Variants in ANKFN1 observed in about 807,000 individuals in gnomAD.
ANKFN1 encodes ankyrin repeat and fibronectin type III domain containing 1, also known as ankyrin repeat and fibronectin type-III domain-containing protein 1.
A neutral mutation model predicts 108.7 loss-of-function variants in ANKFN1; 74 were observed. That is an observed-to-expected ratio of 0.68 (90% CI 0.56 to 0.83). The LOEUF (loss-of-function observed/expected upper bound fraction) is 0.83, where lower values mean the gene tolerates loss of function less well. Ranked by LOEUF, ANKFN1 falls within the 40% of genes least tolerant of loss-of-function variation. The pLI, the probability that ANKFN1 is intolerant of heterozygous loss-of-function variation, is 0.00. For synonymous variants in ANKFN1, 547 were observed against 516.2 expected (o/e 1.06, Z -0.81); for missense variants, 1,505 against 1,382.3 (o/e 1.09, Z -1.41).
In ANKFN1 at chr17:56,466,481, G is replaced by T; in HGVS notation, c.1683G>T (p.Trp561Cys). ...TTTATTCATTTTTTAATGGCAAATG[G>T]ATGCAGATCTCAAAGCTGCAAAGCC... is the stretch of plus-strand genomic sequence containing the variant. The part of the protein sequence containing the change: ...EMLYSFFNGK[W>C]MQISKLQSQR... Residue 561 changes from tryptophan to cysteine, a missense_variant, in exon 15 of 21, where the codon TGG (tryptophan) becomes TGT (cysteine). Transcript: ENST00000682825. 1 of 1,614,114 alleles carries T rather than the reference G, an allele frequency of 6.2e-7. No individual in the cohort carries two copies. The highest frequency in any genetic ancestry group is 1.1e-5 in the South Asian group (1 of 91,064).
chr17:56,320,037 A>G (rs1237507374), intron 3 of ANKFN1, among the ~76,000 whole-genome samples: 2 of 152,188 alleles, frequency 1.3e-5, no homozygotes, highest in Non-Finnish European at 2.9e-5. Flanking sequence ...CTAAATGCAC[A>G]TAAACAAGCT....
At chr17:56,501,711 A>C (rs2051376563) in intron 20 of ANKFN1, among the ~76,000 whole-genome samples, 1 of 152,196 alleles carries the variant, frequency 6.6e-6, no homozygotes, top group African/African-American at 2.4e-5. Flanking sequence ...AAGAGGAGGT[A>C]GAATAAGAAG....
chr17:56,487,782 T>C (rs1231646584), intron 18 of ANKFN1, among the ~76,000 whole-genome samples: 1 of 152,200 alleles, frequency 6.6e-6, no homozygotes, highest in East Asian at 1.9e-4. Flanking sequence ...AATTCTTCCT[T>C]ACAGAGATAA....
chr17:56,079,917 A>G (rs969217157), intron 4 of ANKFN1, among the ~76,000 whole-genome samples: 3 of 152,212 alleles, frequency 2.0e-5, no homozygotes, highest in Non-Finnish European at 2.9e-5. Flanking sequence ...GGGCAGGGTA[A>G]TCTATTTATA....
chr17:56,510,867 CCAT>C lies in ANKFN1; in HGVS notation c.3044_3046del (p.His1015del). 6.5e-7 allele frequency: 1 copy of C among 1,536,110 alleles called. No homozygotes were observed. The highest frequency in any genetic ancestry group is 2.4e-5 in the East Asian group (1 of 40,902). On this transcript the variant is annotated inframe_deletion, in exon 21 of 21. Coordinates refer to ENST00000682825, the MANE Select transcript of ANKFN1 (RefSeq NM_001370326.1). ...ACCCCCACTATGGCGGCTTCAGCCGCCATCATCGCTGGTTGCGCATCCACAGCG... is the reference window on the plus strand; with the variant it reads ...ACCCCCACTATGGCGGCTTCAGCCGCCATCGCTGGTTGCGCATCCACAGCG...
At chr17:56,405,150 G>A (rs532814716) in intron 8 of ANKFN1, among the ~76,000 whole-genome samples, 5 of 152,232 alleles carry the variant, frequency 3.3e-5, no homozygotes, top group Non-Finnish European at 7.3e-5. Context: ...GCCTCCGGCC[G>A]GGAGGTGGCC....
chr17:56,472,838 G>A (rs1057190433), intron 15 of ANKFN1: 3 of 152,120 alleles, frequency 2.0e-5, no homozygotes, highest in Middle Eastern at 3.4e-3. Flanking sequence ...GAGCCATGAG[G>A]GTAGTTAAGT....
intron 20 of ANKFN1, among the ~76,000 whole-genome samples, chr17:56,503,835 A>G (rs2051462630): frequency 6.6e-6 from 1 of 152,144 alleles, no homozygotes; most frequent in Non-Finnish European, 1.5e-5. Context: ...TCCTGGGTCA[A>G]CCAGAGGGGA....
chr17:56,308,105 G>A (rs2044891035), intron 3 of ANKFN1, among the ~76,000 whole-genome samples: 1 of 152,130 alleles, frequency 6.6e-6, no homozygotes, highest in African/African-American at 2.4e-5. Context: ...GGGGAGTGGG[G>A]AGGGATAGCA....
chr17:56,211,507 G>A (rs1472631653), intron 1 of ANKFN1, among the ~76,000 whole-genome samples: 2 of 152,024 alleles, frequency 1.3e-5, no homozygotes, highest in Non-Finnish European at 2.9e-5. Context: ...TGGTGACTAT[G>A]GCTTTATACT....
At chr17:56,300,592 T>TG (rs1032426108) in intron 3 of ANKFN1, among the ~76,000 whole-genome samples, 70 of 128,284 alleles carry the variant, frequency 5.5e-4, no homozygotes, top group African/African-American at 2.4e-3. Flanking sequence ...AGGAAATTGT[T>TG]TTTTTTTTTT....
At chr17:56,293,823 G>C (rs1050543444) in intron 3 of ANKFN1, among the ~76,000 whole-genome samples, 11 of 152,188 alleles carry the variant, frequency 7.2e-5, no homozygotes, top group African/African-American at 2.7e-4. Context: ...TTGGCTCCTT[G>C]AGGGAGAGAG....
chr17:56,064,095 A>T (rs1419141404), intron 4 of ANKFN1, among the ~76,000 whole-genome samples: 1 of 152,082 alleles, frequency 6.6e-6, no homozygotes, highest in Non-Finnish European at 1.5e-5. Flanking sequence ...GAGGCTGGAG[A>T]ACAGCAAAGA....
intron 12 of ANKFN1, 124 bp downstream of exon 12, chr17:56,457,084 A>G (rs982062630): frequency 4.2e-6 from 5 of 1,192,604 alleles, no homozygotes; most frequent in Non-Finnish European, 4.7e-6. Context: ...TTTTCTCCTG[A>G]GAATTTGTGT....
At chr17:56,447,789 G>A (rs572067977) in intron 10 of ANKFN1, among the ~76,000 whole-genome samples, 1 of 152,276 alleles carries the variant, frequency 6.6e-6, no homozygotes, top group African/African-American at 2.4e-5. Context: ...CAAATATCCT[G>A]CAAAGTAGAT....
chr17:56,156,958 C>G (rs1909174787), intron 1 of ANKFN1, among the ~76,000 whole-genome samples: 1 of 150,674 alleles, frequency 6.6e-6, no homozygotes, highest in African/African-American at 2.4e-5. Context: ...AAAAAGTTTG[C>G]CAGCCCCCCA....
At chr17:56,279,645 T>C (rs2044020133) in intron 3 of ANKFN1, among the ~76,000 whole-genome samples, 1 of 152,208 alleles carries the variant, frequency 6.6e-6, no homozygotes, top group African/African-American at 2.4e-5. Context: ...TACAGAACTT[T>C]GCTCAGTACA....
intron 1 of ANKFN1, among the ~76,000 whole-genome samples, chr17:56,200,795 C>T (rs1203433688): frequency 6.6e-6 from 1 of 152,194 alleles, no homozygotes; most frequent in African/African-American, 2.4e-5. Flanking sequence ...TTGATATCTA[C>T]TCTTGATTCC....
chr17:56,332,505 G>A (rs1598417496), intron 4 of ANKFN1, among the ~76,000 whole-genome samples: 1 of 152,032 alleles, frequency 6.6e-6, no homozygotes, highest in Non-Finnish European at 1.5e-5. Context: ...ACATTTTTCA[G>A]TATGGATATA....
Sources: gnomAD v4.1 joint callset for allele counts (sites outside exome capture counted in the v4.1 genomes callset) on GRCh38, gnomAD v4.1.1 for gene constraint, MANE v1.5 for transcripts, NCBI Gene and HGNC (gene_info 2026-07-23, HGNC 2026-07-21) for gene names.